Variants in CEP128 observed in about 807,000 individuals in gnomAD.
CEP128 encodes the protein centrosomal protein 128.
A neutral mutation model predicts 156.7 loss-of-function variants in CEP128; 132 were observed. The observed-to-expected ratio is 0.84, with a 90% CI of 0.73 to 0.97. The LOEUF is 0.97. CEP128 is among the 50% of genes least tolerant of loss of function. CEP128 has a pLI of 0.00. For missense variants in CEP128, 1,252 were observed against 1,281.9 expected (o/e 0.98, Z 0.36); for synonymous variants, 469 against 448.9 (o/e 1.04, Z -0.57).
intron 23 of CEP128, among the ~76,000 whole-genome samples, chr14:80,521,470 G>A (rs1417684295): frequency 2.0e-5 from 3 of 152,164 alleles, no homozygotes; most frequent in East Asian, 1.9e-4. Context: ...GATCCATTAC[G>A]ATTTTCAGAT....
intron 8 of CEP128, among the ~76,000 whole-genome samples, chr14:80,868,057 G>C (rs1265727740): frequency 6.6e-6 from 1 of 151,916 alleles, no homozygotes; most frequent in African/African-American, 2.4e-5. Flanking sequence ...TAAATTCAAA[G>C]TCCTGGCAGG....
intron 13 of CEP128, among the ~76,000 whole-genome samples, chr14:80,816,876 A>C (rs1435067056): frequency 1.3e-5 from 2 of 152,182 alleles, no homozygotes; most frequent in African/African-American, 4.8e-5. Context: ...GAATGCCCCA[A>C]AGATTGGCAA....
intron 2 of CEP128, among the ~76,000 whole-genome samples, chr14:80,952,901 A>C (rs1886495248): frequency 6.6e-6 from 1 of 152,228 alleles, no homozygotes; most frequent in Non-Finnish European, 1.5e-5. Flanking sequence ...AATTTAGATG[A>C]AATAGACAAT....
intron 21 of CEP128, among the ~76,000 whole-genome samples, chr14:80,537,816 C>T (rs903446337): frequency 1.3e-5 from 2 of 152,140 alleles, no homozygotes; most frequent in Non-Finnish European, 1.5e-5. Context: ...GTCCCAAACA[C>T]GTGTAACCAG....
intron 21 of CEP128, among the ~76,000 whole-genome samples, chr14:80,536,074 T>C (rs1190577720): frequency 2.0e-5 from 3 of 152,236 alleles, no homozygotes; most frequent in East Asian, 1.9e-4. Flanking sequence ...AGTTCAGCTG[T>C]CTGTACTGTT....
chr14:80,952,886 T>A (rs79872113), intron 2 of CEP128, among the ~76,000 whole-genome samples: 52 of 152,254 alleles, frequency 3.4e-4, no homozygotes, highest in Non-Finnish European at 7.1e-4. Flanking sequence ...GCCAATAAAT[T>A]CAACAATTTA....
intron 19 of CEP128, among the ~76,000 whole-genome samples, chr14:80,684,184 G>A (rs535788064): frequency 7.2e-5 from 11 of 151,826 alleles, no homozygotes; most frequent in Admixed American, 1.3e-4. Context: ...ACACAAGATC[G>A]GTAGACCACT....
chr14:80,541,788 T>G (rs1889774256), intron 21 of CEP128, among the ~76,000 whole-genome samples: 1 of 152,198 alleles, frequency 6.6e-6, no homozygotes, highest in South Asian at 2.1e-4. Flanking sequence ...ACACATTGCT[T>G]AAATGAGCTC....
intron 20 of CEP128, among the ~76,000 whole-genome samples, chr14:80,565,055 G>A (rs565736510): frequency 3.3e-4 from 50 of 152,022 alleles, no homozygotes; most frequent in African/African-American, 1.1e-3. Flanking sequence ...GTGAAACTCC[G>A]TCTCAAAAAA....
At chr14:80,750,041 G>C (rs1899310055) in intron 18 of CEP128, among the ~76,000 whole-genome samples, 1 of 152,176 alleles carries the variant, frequency 6.6e-6, no homozygotes, top group South Asian at 2.1e-4. Flanking sequence ...CTCCACAGGA[G>C]TGAAAAAGAA....
intron 19 of CEP128, among the ~76,000 whole-genome samples, chr14:80,597,118 A>G (rs77564270): frequency 0.06 from 9,066 of 152,068 alleles, 311 homozygotes; most frequent in South Asian, 0.084. Context: ...AAAAAAGTCA[A>G]TGAAACAATG....
At position 80,692,995 on chromosome 14, in the gene CEP128, T is replaced by C. The variant is rs921841984; in HGVS notation, c.2806+50080A>G. Among the ~76,000 whole-genome samples, 7 of 152,336 alleles carry C rather than the reference T, an allele frequency of 4.6e-5. No individual in the cohort carries two copies. In the East Asian group the frequency reaches 7.7e-4, roughly 17 times the overall value. On this transcript the variant is annotated intron_variant, in intron 19 of 24. Coordinates refer to ENST00000555265, the MANE Select transcript of CEP128 (RefSeq NM_152446.5). Reference sequence around the variant, plus strand: ...AGAAATCTTGTTAAAATGTAGATTCTAATTCAGGAAATCTGAGATGAGACC... The same window carrying C: ...AGAAATCTTGTTAAAATGTAGATTCCAATTCAGGAAATCTGAGATGAGACC...
At position 80,862,769 on chromosome 14, in the gene CEP128, C is replaced by G. The variant is rs964098709; in HGVS notation, c.750G>C (p.Leu250=). 6 of 1,607,398 alleles carry G rather than the reference C, an allele frequency of 3.7e-6. No homozygotes were observed. Among genetic ancestry groups the G allele is most frequent in the Non-Finnish European group, 5.1e-6 (6 of 1,174,050 alleles). The change falls in exon 9 of 25, where the codon CTG becomes CTC. Residue 250 remains leucine (L), a synonymous_variant. Coordinates refer to ENST00000555265, the MANE Select transcript of CEP128 (RefSeq NM_152446.5). ...GTTTTTCACAAACCTCCTGTAGCTG[C>G]AGGGACATGAGTCCCAGTTGATCCT... The part of the protein sequence containing the change: ...RRQDQLGLMS[L]QLQEALKKQE...
At chr14:80,864,158 C>T (rs1028028934) in intron 8 of CEP128, among the ~76,000 whole-genome samples, 1 of 152,116 alleles carries the variant, frequency 6.6e-6, no homozygotes, top group African/African-American at 2.4e-5. Context: ...CTTTAGCTTA[C>T]TTTATTATAA....
chr14:80,692,383 T>C (rs976311895), intron 19 of CEP128, among the ~76,000 whole-genome samples: 6 of 152,178 alleles, frequency 3.9e-5, no homozygotes, highest in African/African-American at 9.7e-5. Context: ...AGTTCAATTA[T>C]TGAATGGAAT....
intron 19 of CEP128, among the ~76,000 whole-genome samples, chr14:80,672,067 G>C (rs1233418859): frequency 6.6e-6 from 1 of 152,028 alleles, no homozygotes; most frequent in Non-Finnish European, 1.5e-5. Context: ...GAAGACTGGG[G>C]CCTGCCAATT....
rs1349815962 is a variant in CEP128, at chr14:80,700,177, G to C, written c.2806+42898C>G. ...TAATGACATGCTTCAGCAGGCACAG[G>C]ATCAGACTTTCTGAGTTTAGTCTTT... On this transcript the variant is annotated intron_variant, in intron 19 of 24. Coordinates refer to ENST00000555265, the MANE Select transcript of CEP128 (RefSeq NM_152446.5). 2.0e-5 allele frequency among the ~76,000 whole-genome samples: 3 copies of C among 152,120 alleles called. No individual in the cohort carries two copies. In the East Asian group the frequency reaches 5.8e-4, roughly 29 times the overall value.
At chr14:80,567,401 T>C (rs2140399540) in intron 20 of CEP128, among the ~76,000 whole-genome samples, 1 of 152,146 alleles carries the variant, frequency 6.6e-6, no homozygotes, top group East Asian at 1.9e-4. Context: ...TTGGGACAGA[T>C]TTCAGACTGG....
intron 14 of CEP128, among the ~76,000 whole-genome samples, chr14:80,484,891 G>A (rs1027864160): frequency 2.6e-5 from 4 of 152,152 alleles, no homozygotes; most frequent in African/African-American, 9.7e-5. Context: ...TGGTACCAGT[G>A]TCTACAACTG....
Sources: allele counts gnomAD v4.1 joint callset (sites outside exome capture counted in the v4.1 genomes callset), GRCh38; gene constraint gnomAD v4.1.1; transcripts MANE v1.5; gene names NCBI Gene and HGNC (gene_info 2026-07-23, HGNC 2026-07-21).